The following TANC2 variants were observed in gnomAD, a reference collection of about 807,000 sequenced individuals.
TANC2 encodes the protein tetratricopeptide repeat, ankyrin repeat and coiled-coil containing 2, also known as protein TANC2.
A neutral mutation model predicts 210.5 loss-of-function variants in TANC2; 26 were observed. That is an observed-to-expected ratio of 0.12 (90% CI 0.09 to 0.17). The LOEUF is 0.17. Among genes scored for constraint, TANC2 ranks in the 10% least tolerant of loss-of-function variants. TANC2 has a pLI of 1.00. For synonymous variants in TANC2, 931 were observed against 967.1 expected, an observed-to-expected ratio of 0.96 and a Z score of 0.69; for missense variants, 2,129 against 2,608.9, an observed-to-expected ratio of 0.82 and a Z score of 4.01.
rs1015076834 is a variant in TANC2, at chr17:62,966,235, G to A, written c.-538G>A. ...GAGGGTGCGACGCCCCCAGCGCGGCGGCGGCGCTAGCGAGCGGCCGGCGGG... is the reference window on the plus strand; with the variant it reads ...GAGGGTGCGACGCCCCCAGCGCGGCAGCGGCGCTAGCGAGCGGCCGGCGGG... On this transcript the variant is annotated 5_prime_UTR_variant, in exon 1 of 28. Coordinates refer to ENST00000689528, the Ensembl canonical transcript of TANC2. This position sits in a 1 kb window ranked among gnomAD's most constrained non-coding sequence, Gnocchi z 5.1. Among the ~76,000 whole-genome samples the A allele has an allele frequency of 1.4e-5, 2 of 146,468 alleles. No homozygotes were observed. The highest frequency in any genetic ancestry group is 4.9e-5 in the African/African-American group (2 of 40,790).
At chr17:63,071,174 T>C (rs1040926985) in intron 2 of TANC2, among the ~76,000 whole-genome samples, 1 of 152,200 alleles carries the variant, frequency 6.6e-6, no homozygotes, top group Non-Finnish European at 1.5e-5. Context: ...CATGTATACC[T>C]AAGCTTGCTG....
chr17:63,134,032 C>CTTGTA (rs2039007318), intron 4 of TANC2, among the ~76,000 whole-genome samples: 1 of 152,134 alleles, frequency 6.6e-6, no homozygotes, highest in African/African-American at 2.4e-5. Flanking sequence ...GTACTTTTCC[C>CTTGTA]TGTTAAACAT....
chr17:63,014,351 T>C (rs765579766), intron 2 of TANC2, among the ~76,000 whole-genome samples: 1 of 152,240 alleles, frequency 6.6e-6, no homozygotes, highest in Non-Finnish European at 1.5e-5. Flanking sequence ...ATCTCCAACA[T>C]CAGGGCTTCC....
intron 4 of TANC2, among the ~76,000 whole-genome samples, chr17:63,107,659 A>G (rs1239938046): frequency 6.6e-6 from 1 of 151,784 alleles, no homozygotes; most frequent in African/African-American, 2.4e-5. Flanking sequence ...AAATGCTTTC[A>G]TGATCCATGG....
At chr17:63,368,258 C>G (rs2047167642) in intron 14 of TANC2, among the ~76,000 whole-genome samples, 1 of 152,072 alleles carries the variant, frequency 6.6e-6, no homozygotes, top group Admixed American at 6.5e-5. Flanking sequence ...TGAGCAAAGG[C>G]AGGAGGAAGA....
chr17:63,070,450 C>T (rs1348282454), intron 2 of TANC2, among the ~76,000 whole-genome samples: 4 of 152,134 alleles, frequency 2.6e-5, no homozygotes, highest in African/African-American at 4.8e-5. Context: ...TTCAATGGCC[C>T]CTAGGCCGGA....
intron 5 of TANC2, among the ~76,000 whole-genome samples, chr17:63,155,669 T>C (rs2039809933): frequency 6.6e-6 from 1 of 152,180 alleles, no homozygotes; most frequent in Non-Finnish European, 1.5e-5. Context: ...TTGAGATTAA[T>C]CTTTTTATAT....
In TANC2 at chr17:63,340,351, G is replaced by A; in HGVS notation, c.1807+19G>A. 1 of 1,604,872 alleles carries A rather than the reference G, an allele frequency of 6.2e-7. No homozygotes were observed. The highest frequency in any genetic ancestry group is 8.5e-7 in the Non-Finnish European group (1 of 1,173,156). ...CATAAAGGTACAGATAAGGCCCAAA[G>A]GAGGGGAAAGATGGAGGTTTAGAGC... On this transcript the variant is annotated intron_variant, in intron 12 of 27. Coordinates refer to ENST00000689528, the Ensembl canonical transcript of TANC2.
At chr17:63,047,748 C>CT (rs1202770511) in intron 2 of TANC2, among the ~76,000 whole-genome samples, 1 of 152,088 alleles carries the variant, frequency 6.6e-6, no homozygotes, top group East Asian at 1.9e-4. Context: ...TCATTCATCA[C>CT]TAGGTTCATG....
chr17:63,225,758 A>G (rs1185826006), intron 7 of TANC2, among the ~76,000 whole-genome samples: 1 of 152,170 alleles, frequency 6.6e-6, no homozygotes, highest in Non-Finnish European at 1.5e-5. Context: ...ATACAGGTCA[A>G]TATTTCTAAC....
chr17:63,324,854 A>G lies in TANC2; in HGVS notation c.1575+5764A>G, dbSNP rs2045596951. Reference sequence around the variant, plus strand: ...CTCCTACACAATGCATGGCACATAAATATTTGAATGAAGAAATTCTAGTCA... The same window carrying G: ...CTCCTACACAATGCATGGCACATAAGTATTTGAATGAAGAAATTCTAGTCA... On this transcript the variant is annotated intron_variant, in intron 11 of 27. Transcript: ENST00000689528. Among the ~76,000 whole-genome samples the G allele has an allele frequency of 2.6e-5, 4 of 152,322 alleles. No homozygotes were observed. The South Asian group carries it at 8.3e-4, about 32-fold the overall frequency.
chr17:63,282,708 TTTAA>T (rs2146358996), intron 9 of TANC2, among the ~76,000 whole-genome samples: 1 of 152,192 alleles, frequency 6.6e-6, no homozygotes, highest in Non-Finnish European at 1.5e-5. Context: ...TGGTCAATCT[TTTAA>T]ACTTTTGATA....
intron 26 of TANC2, among the ~76,000 whole-genome samples, chr17:63,417,867 T>C (rs1390887984): frequency 2.0e-5 from 3 of 152,142 alleles, no homozygotes; most frequent in Non-Finnish European, 4.4e-5. Flanking sequence ...GGACACCTTC[T>C]CACCTGTCCC....
At chr17:63,190,415 C>T (rs190472725) in intron 5 of TANC2, among the ~76,000 whole-genome samples, 88 of 152,262 alleles carry the variant, frequency 5.8e-4, no homozygotes, top group African/African-American at 2.1e-3. Context: ...TTGGTCTATT[C>T]TGATGCCAGT....
chr17:63,227,478 T>G (rs914540051), intron 7 of TANC2, among the ~76,000 whole-genome samples: 1 of 152,208 alleles, frequency 6.6e-6, no homozygotes, highest in Non-Finnish European at 1.5e-5. Context: ...TAAATTTGCT[T>G]AAGTTCCTTG....
chr17:63,346,370 T>C (rs1178858275), intron 12 of TANC2, among the ~76,000 whole-genome samples: 1 of 152,226 alleles, frequency 6.6e-6, no homozygotes, highest in Non-Finnish European at 1.5e-5. Context: ...TGTTTCTGTG[T>C]GTGAGAGACA....
chr17:63,416,933 G>A (rs1459166393), intron 26 of TANC2, among the ~76,000 whole-genome samples: 2 of 152,252 alleles, frequency 1.3e-5, no homozygotes, highest in African/African-American at 2.4e-5. Context: ...TGCACCAGCC[G>A]ATGAGGATGA....
At chr17:63,149,571 A>G (rs1478251018) in intron 4 of TANC2, 1 of 152,144 alleles carries the variant, frequency 6.6e-6, no homozygotes, top group Non-Finnish European at 1.5e-5. Context: ...GCTTTAATAA[A>G]ATTCTAGTAA....
At chr17:63,313,127 G>A (rs1057364077) in intron 9 of TANC2, among the ~76,000 whole-genome samples, 5 of 152,094 alleles carry the variant, frequency 3.3e-5, no homozygotes, top group African/African-American at 1.2e-4. Flanking sequence ...TCCCCTTTGT[G>A]ATTTCTCTTT....
Sources: gnomAD v4.1 joint callset for allele counts (sites outside exome capture counted in the v4.1 genomes callset) on GRCh38, gnomAD v4.1.1 for gene constraint, Gnocchi (gnomAD v3.1) non-coding constraint, MANE v1.5 for transcripts, NCBI Gene and HGNC (gene_info 2026-07-23, HGNC 2026-07-21) for gene names.